GULP1: variants seen among roughly 807,000 people sequenced by gnomAD.
The protein encoded by GULP1 is GULP PTB domain containing engulfment adaptor 1.
Under a neutral mutation model 40.9 loss-of-function variants are expected in GULP1, and 19 were observed. That is an observed-to-expected ratio of 0.46 (90% CI 0.32 to 0.68). The LOEUF (loss-of-function observed/expected upper bound fraction) is 0.68. Ranked by LOEUF, GULP1 falls within the 30% of genes least tolerant of loss-of-function variation. GULP1 has a pLI of 0.03. For synonymous variants in GULP1, 119 were observed against 117.6 expected (o/e 1.01, Z -0.08); for missense variants, 312 against 362.2 (o/e 0.86, Z 1.12).
chr2:188,492,833 A>C (rs2062531140), intron 4 of GULP1, among the ~76,000 whole-genome samples: 1 of 152,036 alleles, frequency 6.6e-6, no homozygotes, highest in African/African-American at 2.4e-5. Flanking sequence ...GAAAGTCATT[A>C]AGTGTTTGGC....
At chr2:188,294,911 A>G (rs966376181) in intron 1 of GULP1, among the ~76,000 whole-genome samples, 1 of 152,240 alleles carries the variant, frequency 6.6e-6, no homozygotes, top group Non-Finnish European at 1.5e-5. Flanking sequence ...TTGAATACCC[A>G]TGTAATAATG....
chr2:188,541,082 G>T (rs1690363056), intron 6 of GULP1, 99 bp from the exon 7 acceptor site: 1 of 982,194 alleles, frequency 1.0e-6, no homozygotes, highest in South Asian at 1.6e-5. Context: ...ACAGATGATT[G>T]TTCTACTTTT....
At chr2:188,395,506 C>T (rs1288152020) in intron 2 of GULP1, among the ~76,000 whole-genome samples, 3 of 152,180 alleles carry the variant, frequency 2.0e-5, no homozygotes, top group Non-Finnish European at 4.4e-5. Flanking sequence ...TTCATGAGCA[C>T]CAGGGCTGCC....
At chr2:188,375,762 A>C (rs1216431447) in intron 1 of GULP1, among the ~76,000 whole-genome samples, 1 of 152,216 alleles carries the variant, frequency 6.6e-6, no homozygotes, top group African/African-American at 2.4e-5. Flanking sequence ...TTCATCTTCT[A>C]AATGAAAGAA....
intron 1 of GULP1, among the ~76,000 whole-genome samples, chr2:188,378,607 G>A (rs1479648814): frequency 6.6e-6 from 1 of 152,150 alleles, no homozygotes; most frequent in Admixed American, 6.5e-5. Flanking sequence ...AATTGAAGTG[G>A]AGCCTGCATG....
chr2:188,325,071 A>C (rs545060829), intron 1 of GULP1, among the ~76,000 whole-genome samples: 31 of 152,102 alleles, frequency 2.0e-4, no homozygotes, highest in African/African-American at 7.2e-4. Context: ...CTTATTTCTA[A>C]TTTACTGAAG....
Position 188,595,523 on chromosome 2 carries a change from A to G in GULP1, c.*1512A>G, listed in dbSNP as rs1704292237. ...AATTAGAGGGCAATATATGTTTCAT[A>G]AAGAAGAGTCTTTATAATTTTGTTT... On this transcript the variant is annotated 3_prime_UTR_variant, in exon 12 of 12. Transcript: ENST00000409830. 6.6e-6 allele frequency: 1 copy of G among 152,206 alleles called. No homozygotes were observed. The highest frequency in any genetic ancestry group is 2.1e-4 in the South Asian group (1 of 4,836). 9.4% of individuals were successfully genotyped at this position (152,206 alleles called of 1,614,324 possible). A position where few individuals can be genotyped will look rare whatever the true frequency, so the allele number is the denominator to read the frequency against.
Position 188,569,361 on chromosome 2 carries a change from TA to T in GULP1, c.516+9del. The T allele has an allele frequency of 7.9e-7, 1 of 1,271,408 alleles. No homozygotes were observed. 78.8% of individuals were successfully genotyped at this position (1,271,408 alleles called of 1,614,324 possible). The stretch of plus-strand genomic sequence containing the variant: ...TCGCAGGGTTACAAAAAAGAGTGAG[TA>T]AACTAAGCTTGTTGTTTTACATTTG... On this transcript the variant is annotated splice_region_variant and intron_variant, in intron 8 of 11. Coordinates refer to ENST00000409830, the MANE Select transcript of GULP1 (RefSeq NM_016315.4).
At chr2:188,449,787 G>T (rs758884385) in intron 2 of GULP1, among the ~76,000 whole-genome samples, 1 of 152,190 alleles carries the variant, frequency 6.6e-6, no homozygotes, top group Non-Finnish European at 1.5e-5. Context: ...TGGCCAAAGT[G>T]AATTGTTGCC....
intron 3 of GULP1, among the ~76,000 whole-genome samples, chr2:188,482,852 A>G (rs891495032): frequency 2.2e-4 from 34 of 151,876 alleles, no homozygotes; most frequent in African/African-American, 7.9e-4. Context: ...AAGACCTTCA[A>G]TCAGTGTTTC....
intron 2 of GULP1, among the ~76,000 whole-genome samples, chr2:188,426,443 A>G (rs1478674160): frequency 6.6e-6 from 1 of 152,164 alleles, no homozygotes; most frequent in Admixed American, 6.5e-5. Context: ...TGGATCAGGA[A>G]AAGACCTGGA....
At chr2:188,293,392 A>AAGTTCT (rs1330877738) in intron 1 of GULP1, among the ~76,000 whole-genome samples, 1 of 152,220 alleles carries the variant, frequency 6.6e-6, no homozygotes, top group Non-Finnish European at 1.5e-5. Context: ...TGAGAATAAA[A>AAGTTCT]AGTTACGGAG....
intron 1 of GULP1, among the ~76,000 whole-genome samples, chr2:188,352,067 ATG>A (rs745422948): frequency 6.6e-6 from 1 of 152,078 alleles, no homozygotes; most frequent in Non-Finnish European, 1.5e-5. Context: ...TCACTTTCAG[ATG>A]TGAACCAATT....
chr2:188,556,825 G>A (rs529667341), intron 7 of GULP1, among the ~76,000 whole-genome samples: 13 of 152,074 alleles, frequency 8.5e-5, no homozygotes, highest in Admixed American at 2.0e-4. Context: ...CACGAGGTCA[G>A]GAGATCGAGA....
intron 2 of GULP1, among the ~76,000 whole-genome samples, chr2:188,425,942 C>T (rs2056138779): frequency 2.0e-5 from 3 of 152,034 alleles, no homozygotes; most frequent in Admixed American, 2.0e-4. Flanking sequence ...TAATTTTTTA[C>T]ATTTAAAGTG....
At chr2:188,293,893 C>T (rs12693491) in intron 1 of GULP1, 22,996 of 152,214 alleles carry the variant, frequency 0.15, 1,883 homozygotes, top group African/African-American at 0.17. Flanking sequence ...CTGTCGGTTG[C>T]ACTTGGGGTT....
At chr2:188,484,592 T>A (rs910418700) in intron 4 of GULP1, among the ~76,000 whole-genome samples, 2 of 152,156 alleles carry the variant, frequency 1.3e-5, no homozygotes, top group Non-Finnish European at 2.9e-5. Flanking sequence ...TAGTGAAGTA[T>A]ACACTGGGAT....
At chr2:188,437,704 G>A (rs930398599) in intron 2 of GULP1, among the ~76,000 whole-genome samples, 1 of 151,956 alleles carries the variant, frequency 6.6e-6, no homozygotes, top group Non-Finnish European at 1.5e-5. Context: ...GATTGTATAA[G>A]GAAAATGTGG....
intron 2 of GULP1, among the ~76,000 whole-genome samples, chr2:188,455,197 G>A (rs2059158229): frequency 6.6e-6 from 1 of 152,024 alleles, no homozygotes; most frequent in Non-Finnish European, 1.5e-5. Context: ...CAGACAAAAT[G>A]TATTAGTATA....
Sources: allele counts gnomAD v4.1 joint callset (sites outside exome capture counted in the v4.1 genomes callset), GRCh38; gene constraint gnomAD v4.1.1; transcripts MANE v1.5; gene names NCBI Gene and HGNC (gene_info 2026-07-23, HGNC 2026-07-21).